The following GATAD2B variants were observed in gnomAD, a reference collection of about 807,000 sequenced individuals.
GATAD2B encodes the protein GATA zinc finger domain containing 2B.
GATAD2B carries 8 observed loss-of-function variants against 64.3 expected under a neutral mutation model. The ratio of observed to expected loss-of-function variants is 0.12; its 90% CI spans 0.07 to 0.22. GATAD2B has a LOEUF of 0.22. GATAD2B is among the 10% of genes least tolerant of loss of function. The pLI, the probability that GATAD2B is intolerant of heterozygous loss-of-function variation, is 1.00. For missense variants in GATAD2B, 453 were observed against 752.0 expected (o/e 0.60, Z 4.65); for synonymous variants, 281 against 271.3 (o/e 1.04, Z -0.35).
chr1:153,904,978 A>G (rs1677883137), intron 1 of GATAD2B, among the ~76,000 whole-genome samples: 1 of 148,978 alleles, frequency 6.7e-6, no homozygotes, highest in South Asian at 2.2e-4. Flanking sequence ...AAGTGCTGGG[A>G]TTACATGCAT....
chr1:153,834,206 G>GT (rs1339149808), intron 1 of GATAD2B, among the ~76,000 whole-genome samples: 1 of 150,920 alleles, frequency 6.6e-6, no homozygotes, highest in Non-Finnish European at 1.5e-5. Flanking sequence ...GGGTTTCACC[G>GT]TGTCAGCCAG....
At chr1:153,875,683 GA>G (rs11340415) in intron 1 of GATAD2B, among the ~76,000 whole-genome samples, 37,566 of 77,988 alleles carry the variant, frequency 0.48, 6,937 homozygotes, top group Non-Finnish European at 0.51. Flanking sequence ...AGTTTGGAGG[GA>G]AAAAAAAAAA....
Position 153,818,929 on chromosome 1 carries a change from A to G in GATAD2B, c.466-7T>C, listed in dbSNP as rs1674578884. ...GCTCCTCAATGCCTTTCCCCTAAGGAAACAAGAAGACTTTCAGCTATGGCA... is the reference window on the plus strand; with the variant it reads ...GCTCCTCAATGCCTTTCCCCTAAGGGAACAAGAAGACTTTCAGCTATGGCA... On this transcript the variant is annotated splice_polypyrimidine_tract_variant and splice_region_variant and intron_variant, in intron 3 of 10. Transcript: ENST00000368655. The G allele has an allele frequency of 1.9e-6, 3 of 1,607,940 alleles. No homozygotes were observed. In the East Asian group the frequency reaches 6.7e-5, roughly 36 times the overall value.
At chr1:153,881,191 G>A (rs1335762423) in intron 1 of GATAD2B, among the ~76,000 whole-genome samples, 1 of 152,108 alleles carries the variant, frequency 6.6e-6, no homozygotes, top group Admixed American at 6.6e-5. Flanking sequence ...GCAGCCCCTG[G>A]CATGATGCCA....
intron 1 of GATAD2B, among the ~76,000 whole-genome samples, chr1:153,891,290 G>A (rs891346020): frequency 5.3e-5 from 8 of 151,050 alleles, no homozygotes; most frequent in South Asian, 2.1e-4. Flanking sequence ...GAAGGCAGCC[G>A]GGAGTGGTGG....
At chr1:153,862,885 C>T (rs182121292) in intron 1 of GATAD2B, among the ~76,000 whole-genome samples, 4 of 151,918 alleles carry the variant, frequency 2.6e-5, no homozygotes, top group African/African-American at 4.8e-5. Flanking sequence ...CCACCATACC[C>T]GGCTAATTTT....
intron 2 of GATAD2B, among the ~76,000 whole-genome samples, chr1:153,826,258 A>T (rs879612129): frequency 1.3e-5 from 2 of 151,890 alleles, no homozygotes; most frequent in Admixed American, 6.6e-5. Flanking sequence ...CCGCCTCATG[A>T]TCCACCCGCC....
At chr1:153,916,679 T>C (rs1447755427) in intron 1 of GATAD2B, among the ~76,000 whole-genome samples, 1 of 152,222 alleles carries the variant, frequency 6.6e-6, no homozygotes, top group Non-Finnish European at 1.5e-5. Context: ...AATAATTTCA[T>C]CATTATTTGC....
chr1:153,903,584 T>C (rs956444796), intron 1 of GATAD2B, among the ~76,000 whole-genome samples: 7 of 152,164 alleles, frequency 4.6e-5, no homozygotes, highest in African/African-American at 1.7e-4. Flanking sequence ...AATCATTAAA[T>C]AGCAGAATTG....
In GATAD2B at chr1:153,876,230, A is replaced by AAAAAAAG. The variant is rs1676828253; in HGVS notation, c.-2+46502_-2+46503insCTTTTTT. Among the ~76,000 whole-genome samples the AAAAAAAG allele has an allele frequency of 3.7e-5, 2 of 53,780 alleles. 1 individual carries two copies. The highest frequency in any genetic ancestry group is 7.8e-5 in the Non-Finnish European group (2 of 25,766). The allele number at this position is 53,780 out of a possible 152,430, so 35.3% of individuals were successfully genotyped here. On this transcript the variant is annotated intron_variant, in intron 1 of 10. Coordinates refer to ENST00000368655, the MANE Select transcript of GATAD2B (RefSeq NM_020699.4). ...GCAACACAGTGAGACTTCGTCTCAAAAAAAAAAAAAAAAAAAAAAAAAAAA... is the reference window on the plus strand; with the variant it reads ...GCAACACAGTGAGACTTCGTCTCAAAAAAAAAGAAAAAAAAAAAAAAAAAAAAAAAAA...
chr1:153,815,579 C>A (rs1461242674), intron 7 of GATAD2B, among the ~76,000 whole-genome samples: 2 of 151,624 alleles, frequency 1.3e-5, no homozygotes, highest in Non-Finnish European at 2.9e-5. Flanking sequence ...AACTTACTGT[C>A]CTACAAAAAA....
At chr1:153,910,010 G>A (rs917916101) in intron 1 of GATAD2B, among the ~76,000 whole-genome samples, 2 of 151,630 alleles carry the variant, frequency 1.3e-5, no homozygotes, top group African/African-American at 4.8e-5. Context: ...AGCCACTCAG[G>A]AGGCTGAGGC....
intron 1 of GATAD2B, among the ~76,000 whole-genome samples, chr1:153,875,191 T>C (rs1253023678): frequency 6.6e-6 from 1 of 152,132 alleles, no homozygotes; most frequent in Non-Finnish European, 1.5e-5. Context: ...TTTAGTCTCA[T>C]TATTTCTCTT....
chr1:153,885,903 T>G (rs1397881818), intron 1 of GATAD2B, among the ~76,000 whole-genome samples: 1 of 146,638 alleles, frequency 6.8e-6, no homozygotes, highest in African/African-American at 2.5e-5. Flanking sequence ...GATCTAAAGA[T>G]GTACAACCTA....
chr1:153,876,576 T>C (rs932240304), intron 1 of GATAD2B, among the ~76,000 whole-genome samples: 4 of 152,230 alleles, frequency 2.6e-5, no homozygotes, highest in African/African-American at 9.6e-5. Context: ...TATGCTTAAA[T>C]GTGACAAGTT....
chr1:153,815,735 T>C (rs72694220), intron 7 of GATAD2B, among the ~76,000 whole-genome samples: 40,784 of 151,824 alleles, frequency 0.27, 6,100 homozygotes, highest in Admixed American at 0.39. Context: ...ATTAGATAGA[T>C]AGATAGATAC....
chr1:153,893,979 A>AAAAAT (rs1347146976), intron 1 of GATAD2B, among the ~76,000 whole-genome samples: 4 of 134,306 alleles, frequency 3.0e-5, no homozygotes, highest in African/African-American at 1.1e-4. Flanking sequence ...AAAAAAAAAA[A>AAAAAT]AAACCCAAAA....
intron 1 of GATAD2B, chr1:153,852,525 T>C: frequency 1.3e-6 from 1 of 766,420 alleles, no homozygotes; most frequent in Non-Finnish European, 2.4e-6. Context: ...ATCAGTATCA[T>C]CGTATCCAAT....
chr1:153,843,663 G>A (rs1467594415), intron 1 of GATAD2B, among the ~76,000 whole-genome samples: 3 of 151,866 alleles, frequency 2.0e-5, no homozygotes, highest in Non-Finnish European at 2.9e-5. Context: ...CCCACAGCAG[G>A]AATATACAAT....
Sources: gnomAD v4.1 joint callset for allele counts (sites outside exome capture counted in the v4.1 genomes callset) on GRCh38, gnomAD v4.1.1 for gene constraint, MANE v1.5 for transcripts, NCBI Gene and HGNC (gene_info 2026-07-23, HGNC 2026-07-21) for gene names.